Variants in CASZ1 observed in about 807,000 individuals in gnomAD.
CASZ1 encodes zinc finger protein castor homolog 1.
In CASZ1, 28 loss-of-function variants were observed where a neutral mutation model predicts 135.2. The ratio of observed to expected loss-of-function variants is 0.21; its 90% CI spans 0.15 to 0.28. The LOEUF is 0.28. Ranked by LOEUF, CASZ1 falls within the 10% of genes least tolerant of loss-of-function variation. The probability of loss-of-function intolerance (pLI) is 1.00; values close to 1 mark genes in which losing one functional copy is unlikely to be tolerated. For synonymous variants in CASZ1, 1,068 were observed against 1,073.4 expected (o/e 0.99, Z 0.10); for missense variants, 2,161 against 2,453.3 (o/e 0.88, Z 2.52).
chr1:10,728,874 G>T (rs1011382178), intron 2 of CASZ1, among the ~76,000 whole-genome samples: 2 of 152,176 alleles, frequency 1.3e-5, no homozygotes, highest in African/African-American at 4.8e-5. Context: ...GCTGGGCCGG[G>T]CCCAGCACAC....
At chr1:10,783,538 T>C (rs1640800816) in intron 1 of CASZ1, among the ~76,000 whole-genome samples, 1 of 152,070 alleles carries the variant, frequency 6.6e-6, no homozygotes, top group Non-Finnish European at 1.5e-5. Flanking sequence ...AGAGTGTCCC[T>C]AAGAACTCCA....
chr1:10,718,127 G>A (rs1248255648), intron 2 of CASZ1, among the ~76,000 whole-genome samples: 2 of 152,198 alleles, frequency 1.3e-5, no homozygotes, highest in Non-Finnish European at 2.9e-5. Flanking sequence ...GGCCCAGCTG[G>A]GGCCCCAGCC....
rs1006742736 is a variant in CASZ1, at chr1:10,709,745, C to T, written c.-76-4201G>A. Among the ~76,000 whole-genome samples, 1 of 152,138 alleles carries T rather than the reference C, an allele frequency of 6.6e-6. No homozygotes were observed. The highest frequency in any genetic ancestry group is 2.4e-5 in the African/African-American group (1 of 41,432). On this transcript the variant is annotated intron_variant, in intron 2 of 20. Coordinates refer to ENST00000377022, the MANE Select transcript of CASZ1 (RefSeq NM_001079843.3). The surrounding 1 kb of genome is among the most constrained non-coding windows in gnomAD (Gnocchi z 5.1). Reference sequence around the variant, plus strand: ...GGCTGAGCAGTGCCCCGGGCAGTGCCGCAGGGGGATGCGCACCAGGGGGAT... The same window carrying T: ...GGCTGAGCAGTGCCCCGGGCAGTGCTGCAGGGGGATGCGCACCAGGGGGAT...
At chr1:10,664,434 G>A (rs1341441037) in intron 5 of CASZ1, among the ~76,000 whole-genome samples, 3 of 151,884 alleles carry the variant, frequency 2.0e-5, no homozygotes, top group Non-Finnish European at 1.5e-5. Flanking sequence ...TCAGTGCCTC[G>A]TGGGAGAGAG....
rs1485432492 is a variant in CASZ1 at position 10,646,470 on chromosome 1, C to T, written c.3498-144G>A. 6 of 728,176 alleles carry T rather than the reference C, an allele frequency of 8.2e-6. No homozygotes were observed. Among genetic ancestry groups the T allele is most frequent in the South Asian group, 5.1e-5 (3 of 58,904 alleles). 45.1% of individuals were successfully genotyped at this position (728,176 alleles called of 1,614,324 possible). ...TGGCCTGGGCTGCTGTCCTGCTCAA[C>T]AGGATGACTCAGCTGGAGACTACAG... On this transcript the variant is annotated intron_variant, in intron 16 of 20. Coordinates refer to ENST00000377022, the MANE Select transcript of CASZ1 (RefSeq NM_001079843.3). The surrounding 1 kb of genome is among the most constrained non-coding windows in gnomAD (Gnocchi z 6.4).
intron 20 of CASZ1, among the ~76,000 whole-genome samples, chr1:10,640,334 G>A (rs940994827): frequency 2.6e-5 from 4 of 152,220 alleles, no homozygotes; most frequent in East Asian, 3.8e-4. Context: ...TCTGGGGGAC[G>A]TGGTGGCTGC....
rs1019147964 is a variant in CASZ1 at position 10,762,135 on chromosome 1, C to T, written c.-233-1278G>A. On this transcript the variant is annotated intron_variant, in intron 1 of 20. Transcript: ENST00000377022. The surrounding 1 kb of genome is among the most constrained non-coding windows in gnomAD (Gnocchi z 4.1). ...TGCCTCCCAAGGTTGGACCTGAGTG[C>T]GAGGGGGAGTTGGCTCTTTGAAGGT... Among the ~76,000 whole-genome samples, 4 of 151,966 alleles carry T rather than the reference C, an allele frequency of 2.6e-5. No individual in the cohort carries two copies. Among genetic ancestry groups the T allele is most frequent in the African/African-American group, 9.7e-5 (4 of 41,386 alleles).
chr1:10,729,724 G>A (rs922454007), intron 2 of CASZ1, among the ~76,000 whole-genome samples: 4 of 152,244 alleles, frequency 2.6e-5, no homozygotes, highest in African/African-American at 7.2e-5. Flanking sequence ...AACTGCCGGC[G>A]TCCCGGCACA....
intron 2 of CASZ1, among the ~76,000 whole-genome samples, chr1:10,718,391 G>A (rs1328234552): frequency 6.6e-6 from 1 of 152,246 alleles, no homozygotes; most frequent in Non-Finnish European, 1.5e-5. Flanking sequence ...TATCAAAGCA[G>A]CAGCTACAAT....
intron 2 of CASZ1, among the ~76,000 whole-genome samples, chr1:10,708,885 G>A (rs1639226962): frequency 6.6e-6 from 1 of 151,188 alleles, no homozygotes; most frequent in Non-Finnish European, 1.5e-5. Flanking sequence ...GGTGGGCTGG[G>A]CGCTGGGAGG....
At chr1:10,656,953 G>A (rs1445396538) in intron 7 of CASZ1, among the ~76,000 whole-genome samples, 1 of 152,164 alleles carries the variant, frequency 6.6e-6, no homozygotes, top group African/African-American at 2.4e-5. Context: ...ACAACACTGA[G>A]GTGGCCAAAA....
intron 2 of CASZ1, among the ~76,000 whole-genome samples, chr1:10,737,120 C>T (rs977227135): frequency 1.3e-5 from 2 of 152,236 alleles, no homozygotes; most frequent in Non-Finnish European, 2.9e-5. Context: ...GCTGCTGGGG[C>T]CACAGACCAA....
intron 13 of CASZ1, 149 bp downstream of exon 13, chr1:10,650,543 C>T: frequency 1.5e-6 from 1 of 655,508 alleles, no homozygotes; most frequent in Admixed American, 2.6e-5. Context: ...GAAATTATAT[C>T]CGATGAAAAA....
Position 10,651,087 on chromosome 1 carries a change from G to T in CASZ1, c.2681-11C>A, listed in dbSNP as rs759923536. 6.7e-7 allele frequency: 1 copy of T among 1,497,420 alleles called. No homozygotes were observed. Among genetic ancestry groups the T allele is most frequent in the East Asian group, 2.4e-5 (1 of 42,288 alleles). 92.8% of individuals were successfully genotyped at this position (1,497,420 alleles called of 1,614,324 possible). The stretch of plus-strand genomic sequence containing the variant: ...CCTGCTGCCCGCTTCCTGCAGGGGA[G>T]GGGTGGGAAGATGCGTCAGAGGGGC... On this transcript the variant is annotated splice_polypyrimidine_tract_variant and intron_variant, in intron 11 of 20. Coordinates refer to ENST00000377022, the MANE Select transcript of CASZ1 (RefSeq NM_001079843.3).
At position 10,697,646 on chromosome 1, in the gene CASZ1, C is replaced by T. The variant is rs1638965098; in HGVS notation, c.-23-3734G>A. Among the ~76,000 whole-genome samples, 2 of 152,088 alleles carry T rather than the reference C, an allele frequency of 1.3e-5. No homozygotes were observed. The highest frequency in any genetic ancestry group is 2.4e-5 in the African/African-American group (1 of 41,402). On this transcript the variant is annotated intron_variant, in intron 3 of 20. Transcript: ENST00000377022. This position sits in a 1 kb window ranked among gnomAD's most constrained non-coding sequence, Gnocchi z 4.7. ...CACTCTCTCCCTCCCGAGCCTGGGG[C>T]CTTCTCACTCACCAGCCTGTTTACA...
At position 10,706,893 on chromosome 1, in the gene CASZ1, G is replaced by A. The variant is rs1481905234; in HGVS notation, c.-76-1349C>T. Reference sequence around the variant, plus strand: ...TGGGCGGACCCCTGAGACAGGGGGCGGTAGAGAGGATGGGGGGCTGTGTAA... The same window carrying A: ...TGGGCGGACCCCTGAGACAGGGGGCAGTAGAGAGGATGGGGGGCTGTGTAA... On this transcript the variant is annotated intron_variant, in intron 2 of 20. Transcript: ENST00000377022. The surrounding 1 kb of genome is among the most constrained non-coding windows in gnomAD (Gnocchi z 4.3). Among the ~76,000 whole-genome samples, 2 of 151,818 alleles carry A rather than the reference G, an allele frequency of 1.3e-5. No individual in the cohort carries two copies. Among genetic ancestry groups the A allele is most frequent in the Non-Finnish European group, 2.9e-5 (2 of 67,920 alleles).
Position 10,755,092 on chromosome 1 carries a change from G to A in CASZ1, c.-77+5609C>T, listed in dbSNP as rs1490980997. 6.6e-6 allele frequency among the ~76,000 whole-genome samples: 1 copy of A among 152,184 alleles called. No homozygotes were observed. The highest frequency in any genetic ancestry group is 1.5e-5 in the Non-Finnish European group (1 of 68,034). On this transcript the variant is annotated intron_variant, in intron 2 of 20. Transcript: ENST00000377022. The surrounding 1 kb of genome is among the most constrained non-coding windows in gnomAD (Gnocchi z 4.3). ...TGAGTGGAAGGGGAGCGACCCCCAG[G>A]CCTGAAGGGCAGAGAGCAAGCGGCA...
chr1:10,639,169 G>GCAGCTC lies in CASZ1; in HGVS notation c.5047_5052dup (p.Glu1683_Leu1684dup), dbSNP rs1451227752. 1 of 1,043,782 alleles carries GCAGCTC rather than the reference G, an allele frequency of 9.6e-7. No individual in the cohort carries two copies. The allele number at this position is 1,043,782 out of a possible 1,614,324, so 64.7% of individuals were successfully genotyped here. A position where few individuals can be genotyped will look rare whatever the true frequency, so the allele number is the denominator to read the frequency against. ...TCGTCGTCTTCGGCCTCCTCCTCCG[G>GCAGCTC]CAGCTCCAGCTCCTCCTCCTCGTCC... On this transcript the variant is annotated inframe_insertion, in exon 21 of 21. Transcript: ENST00000377022. The surrounding 1 kb of genome is among the most constrained non-coding windows in gnomAD (Gnocchi z 4.0).
chr1:10,693,173 T>C (rs1638820964), intron 4 of CASZ1, among the ~76,000 whole-genome samples: 3 of 152,134 alleles, frequency 2.0e-5, no homozygotes, highest in Admixed American at 2.0e-4. Flanking sequence ...TTGAGTAGTC[T>C]GTCTGGTCCA....
Sources: gnomAD v4.1 joint callset for allele counts (sites outside exome capture counted in the v4.1 genomes callset) on GRCh38, gnomAD v4.1.1 for gene constraint, Gnocchi (gnomAD v3.1) non-coding constraint, MANE v1.5 for transcripts, NCBI Gene and HGNC (gene_info 2026-07-23, HGNC 2026-07-21) for gene names.